Variants in NALF1 observed in about 807,000 individuals in gnomAD.
NALF1 encodes family with sequence similarity 155 member A.
In NALF1, 3 loss-of-function variants were observed where a neutral mutation model predicts 48.4. That is an observed-to-expected ratio of 0.06 (90% CI 0.03 to 0.16). The LOEUF (loss-of-function observed/expected upper bound fraction) is 0.16, where lower values mean the gene tolerates loss of function less well. NALF1 is among the 10% of genes least tolerant of loss of function. The pLI, the probability that NALF1 is intolerant of heterozygous loss-of-function variation, is 1.00. For missense variants in NALF1, 526 were observed against 571.5 expected, an observed-to-expected ratio of 0.92 and a Z score of 0.81; for synonymous variants, 262 against 245.7, an observed-to-expected ratio of 1.07 and a Z score of -0.62.
At chr13:107,296,074 G>T (rs1281331342) in intron 1 of NALF1, among the ~76,000 whole-genome samples, 1 of 152,102 alleles carries the variant, frequency 6.6e-6, no homozygotes, top group African/African-American at 2.4e-5. Context: ...TGCCAACTTG[G>T]CACTATTTCC....
chr13:107,391,032 T>C (rs73590777), intron 1 of NALF1, among the ~76,000 whole-genome samples: 4,940 of 152,214 alleles, frequency 0.032, 269 homozygotes, highest in African/African-American at 0.11. Flanking sequence ...GAATAAAGTG[T>C]GGAGGAAGGA....
chr13:107,421,225 C>T (rs1014789564), intron 1 of NALF1, among the ~76,000 whole-genome samples: 1 of 152,140 alleles, frequency 6.6e-6, no homozygotes, highest in Non-Finnish European at 1.5e-5. Flanking sequence ...TCGTAGAGCT[C>T]AGATGATTCA....
At chr13:107,741,775 A>G (rs565361114) in intron 1 of NALF1, among the ~76,000 whole-genome samples, 4 of 152,168 alleles carry the variant, frequency 2.6e-5, no homozygotes, top group African/African-American at 7.2e-5. Context: ...TTGGCTCATG[A>G]GGACCTCTGA....
In NALF1 at chr13:107,169,865, G is replaced by T. The variant is rs1336340363; in HGVS notation, c.*632C>A. The T allele has an allele frequency of 1.3e-5, 2 of 152,816 alleles. No homozygotes were observed. Among genetic ancestry groups the T allele is most frequent in the Non-Finnish European group, 2.9e-5 (2 of 68,174 alleles). 9.5% of individuals were successfully genotyped at this position (152,816 alleles called of 1,614,324 possible). A position where few individuals can be genotyped will look rare whatever the true frequency, so the allele number is the denominator to read the frequency against. On this transcript the variant is annotated 3_prime_UTR_variant, in exon 3 of 3. Coordinates refer to ENST00000375915, the MANE Select transcript of NALF1 (RefSeq NM_001080396.3). ...GAAGCAAGCGGATGTTGTTTGCTTA[G>T]GGGACGAGAAGAGGGCGAGGGAAAG...
At chr13:107,764,033 A>G (rs149772518) in intron 1 of NALF1, among the ~76,000 whole-genome samples, 6 of 152,188 alleles carry the variant, frequency 3.9e-5, no homozygotes, top group Non-Finnish European at 5.9e-5. Context: ...AAAGTCGACC[A>G]GGCATAGAGG....
chr13:107,437,216 A>G (rs1361040856), intron 1 of NALF1, among the ~76,000 whole-genome samples: 1 of 152,206 alleles, frequency 6.6e-6, no homozygotes, highest in Non-Finnish European at 1.5e-5. Context: ...AAAGGGCAAT[A>G]TTTAAAAAAC....
At chr13:107,833,474 T>A (rs1306138331) in intron 1 of NALF1, among the ~76,000 whole-genome samples, 1 of 152,234 alleles carries the variant, frequency 6.6e-6, no homozygotes, top group East Asian at 1.9e-4. Context: ...CTGTTACTTC[T>A]AGCTCTTAAA....
chr13:107,236,662 C>CGTCT (rs1880348577), intron 1 of NALF1, among the ~76,000 whole-genome samples: 1 of 148,056 alleles, frequency 6.8e-6, no homozygotes. Flanking sequence ...TCTATCTATC[C>CGTCT]ATCTGTCTGT....
chr13:107,756,444 T>TAC (rs1877096640), intron 1 of NALF1, among the ~76,000 whole-genome samples: 1 of 150,550 alleles, frequency 6.6e-6, no homozygotes, highest in African/African-American at 2.4e-5. Context: ...GCTATATATA[T>TAC]ATATATATAT....
intron 1 of NALF1, among the ~76,000 whole-genome samples, chr13:107,516,693 A>G (rs1876063217): frequency 6.6e-6 from 1 of 152,074 alleles, no homozygotes. Flanking sequence ...GCATGCAGGG[A>G]CTCTGAGTGC....
rs149122036 is a variant in NALF1 at position 107,577,341 on chromosome 13, C to T, written c.915+288341G>A. On this transcript the variant is annotated intron_variant, in intron 1 of 2. Transcript: ENST00000375915. ...GCAAATCTCACAGATCTGCCTGTTC[C>T]TCTAAAGTTGGTTGGAAACTGGTCA... Among the ~76,000 whole-genome samples, 6 of 152,274 alleles carry T rather than the reference C, an allele frequency of 3.9e-5. No homozygotes were observed. In the East Asian group the frequency reaches 1.2e-3, roughly 29 times the overall value.
chr13:107,861,454 T>A (rs1880565468), intron 1 of NALF1, among the ~76,000 whole-genome samples: 2 of 152,178 alleles, frequency 1.3e-5, no homozygotes, highest in African/African-American at 4.8e-5. Context: ...AAAATTTAAG[T>A]GATAAAAAAT....
chr13:107,215,875 T>C (rs913795488), intron 1 of NALF1, among the ~76,000 whole-genome samples: 4 of 152,218 alleles, frequency 2.6e-5, no homozygotes, highest in Non-Finnish European at 4.4e-5. Context: ...TCATTACTTT[T>C]TAAATATATA....
rs201360346 is a variant in NALF1 at position 107,602,051 on chromosome 13, T to C, written c.915+263631A>G. Among the ~76,000 whole-genome samples the C allele has an allele frequency of 8.2e-5, 12 of 145,994 alleles. No individual in the cohort carries two copies. In the South Asian group the frequency reaches 2.3e-3, roughly 28 times the overall value. Reference sequence around the variant, plus strand: ...CCTAAAAATAAAGCTCATGATTTAATTGTATAGAAAGGTCTCTGAACTGCA... The same window carrying C: ...CCTAAAAATAAAGCTCATGATTTAACTGTATAGAAAGGTCTCTGAACTGCA... On this transcript the variant is annotated intron_variant, in intron 1 of 2. Transcript: ENST00000375915.
At chr13:107,820,068 A>T (rs1879321695) in intron 1 of NALF1, among the ~76,000 whole-genome samples, 1 of 152,126 alleles carries the variant, frequency 6.6e-6, no homozygotes, top group Admixed American at 6.5e-5. Flanking sequence ...ATTTCTTGTG[A>T]CCCAGGAGGT....
In NALF1 at chr13:107,170,517, T is replaced by C. The variant is rs748464534; in HGVS notation, c.1357A>G (p.Asn453Asp). 6.2e-7 allele frequency: 1 copy of C among 1,602,548 alleles called. No individual in the cohort carries two copies. Among genetic ancestry groups the C allele is most frequent in the South Asian group, 1.1e-5 (1 of 90,988 alleles). Reference protein sequence around the residue: ...SFGGINTLEENSTNEE With the variant: ...SFGGINTLEEDSTNEE ...TTCCGTTACTCCTCATTGGTTGAGT[T>C]TTCTTCCAGCGTGTTGATGCCTCCA... The change falls in exon 3 of 3, where the codon AAC becomes GAC. Residue 453 changes from asparagine to aspartate, a missense_variant. Asn to Asp is a conservative substitution (Grantham distance 23). Around this residue, in one of 2 missense-constraint regions of NALF1, gnomAD observed 153 missense variants for 215.9 expected, o/e 0.71. Transcript: ENST00000375915.
chr13:107,815,303 T>C (rs7996459), intron 1 of NALF1, among the ~76,000 whole-genome samples: 43,653 of 151,798 alleles, frequency 0.29, 7,802 homozygotes, highest in African/African-American at 0.51. Flanking sequence ...AGAACTCTTA[T>C]AACTCAGTAA....
chr13:107,178,517 A>G (rs940477925), intron 2 of NALF1, among the ~76,000 whole-genome samples: 10 of 152,230 alleles, frequency 6.6e-5, no homozygotes, highest in African/African-American at 2.4e-4. Context: ...TCATCTCACC[A>G]CAGTTAAAAT....
At chr13:107,416,941 G>A (rs890952885) in intron 1 of NALF1, among the ~76,000 whole-genome samples, 1 of 152,160 alleles carries the variant, frequency 6.6e-6, no homozygotes, top group Non-Finnish European at 1.5e-5. Flanking sequence ...ATAAAGACCC[G>A]ATGTGGAATT....
Sources: gnomAD v4.1 joint callset for allele counts (sites outside exome capture counted in the v4.1 genomes callset) on GRCh38, gnomAD v4.1.1 for gene constraint, gnomAD v4.1.1 regional missense constraint, MANE v1.5 for transcripts, NCBI Gene and HGNC (gene_info 2026-07-23, HGNC 2026-07-21) for gene names.